Variants in NUP35 observed in about 807,000 individuals in gnomAD.
NUP35 encodes the protein nucleoporin 35.
NUP35 carries 25 observed loss-of-function variants against 41.5 expected under a neutral mutation model. That is an observed-to-expected ratio of 0.60 (90% confidence interval 0.44 to 0.84). NUP35 has a LOEUF of 0.84. Ranked by LOEUF, NUP35 falls within the 40% of genes least tolerant of loss-of-function variation. The pLI, the probability that NUP35 is intolerant of heterozygous loss-of-function variation, is 0.00. For synonymous variants in NUP35, 149 were observed against 130.7 expected (o/e 1.14, Z -0.96); for missense variants, 396 against 396.6 (o/e 1.00, Z 0.01).
rs1423161343 is a variant in NUP35 at position 183,128,389 on chromosome 2, C to T, written c.143C>T (p.Thr48Ile). The change falls in exon 2 of 9, where the codon ACT (threonine) becomes ATT (isoleucine). Residue 48 changes from threonine (T) to isoleucine (I), a missense_variant. Coordinates refer to ENST00000295119, the MANE Select transcript of NUP35 (RefSeq NM_138285.5). ...FLMGDLPAPV[T>I]PQPRSISGPS... ...ATGGGGGATTTGCCAGCTCCGGTGA[C>T]TCCACAACCTCGATCAATTAGTGGC... 1.2e-6 allele frequency: 2 copies of T among 1,614,030 alleles called. No homozygotes were observed. Among genetic ancestry groups the T allele is most frequent in the Non-Finnish European group, 1.7e-6 (2 of 1,179,960 alleles).
intron 7 of NUP35, among the ~76,000 whole-genome samples, 175 bp from the exon 8 acceptor site, chr2:183,159,313 T>C (rs1412044757): frequency 6.6e-6 from 1 of 152,198 alleles, no homozygotes; most frequent in African/African-American, 2.4e-5. Context: ...GCATTCAATC[T>C]CAAATGCTAC....
At chr2:183,143,151 A>G (rs796580342) in intron 4 of NUP35, among the ~76,000 whole-genome samples, 88 of 114,378 alleles carry the variant, frequency 7.7e-4, no homozygotes, top group African/African-American at 3.5e-3. Context: ...GCGAGACTCC[A>G]TCTCAAAAAA....
At chr2:183,160,885 A>G in intron 8 of NUP35, 169 bp from the exon 9 acceptor site, 2 of 486,454 alleles carry the variant, frequency 4.1e-6, no homozygotes, top group South Asian at 2.4e-5. Context: ...GATCGAGACC[A>G]TCCTGGCTAA....
At chr2:183,159,699 G>T in intron 8 of NUP35, 47 bp downstream of exon 8, 1 of 1,413,984 alleles carries the variant, frequency 7.1e-7, no homozygotes. Context: ...ATGGCTGAGT[G>T]CATAGCATGC....
At chr2:183,132,579 A>G (rs532648435) in intron 3 of NUP35, among the ~76,000 whole-genome samples, 1 of 152,204 alleles carries the variant, frequency 6.6e-6, no homozygotes, top group East Asian at 1.9e-4. Context: ...ATAAAAACTA[A>G]AAAATTAAAA....
intron 8 of NUP35, chr2:183,159,928 G>A (rs1228535562): frequency 3.9e-5 from 13 of 335,100 alleles, no homozygotes; most frequent in Admixed American, 9.7e-5. Context: ...GCATACATAC[G>A]AAATGTATCC....
At chr2:183,152,807 C>T (rs1040756425) in intron 5 of NUP35, among the ~76,000 whole-genome samples, 1 of 152,078 alleles carries the variant, frequency 6.6e-6, no homozygotes, top group Non-Finnish European at 1.5e-5. Flanking sequence ...AGCAAAGCTC[C>T]AGCAAAAACT....
At chr2:183,153,818 C>G (rs1022470199) in intron 5 of NUP35, among the ~76,000 whole-genome samples, 5 of 152,152 alleles carry the variant, frequency 3.3e-5, no homozygotes, top group African/African-American at 1.2e-4. Flanking sequence ...TAGTAGGGAC[C>G]CTGTGTGGGA....
At position 183,152,490 on chromosome 2, in the gene NUP35, C is replaced by T. The variant is rs547425526; in HGVS notation, c.539+841C>T. 7.9e-5 allele frequency among the ~76,000 whole-genome samples: 12 copies of T among 152,242 alleles called. No homozygotes were observed. The South Asian group carries it at 2.1e-3, about 26-fold the overall frequency. On this transcript the variant is annotated intron_variant, in intron 5 of 8. Transcript: ENST00000295119. ...CCATTGCATCATTCTTATGCTTTTGCATCATCATAGCTTAGCTCCCACTTA... is the reference window on the plus strand; with the variant it reads ...CCATTGCATCATTCTTATGCTTTTGTATCATCATAGCTTAGCTCCCACTTA...
chr2:183,123,923 T>A, upstream of NUP35: 1 of 532,788 alleles, frequency 1.9e-6, no homozygotes, highest in Non-Finnish European at 2.4e-6. Flanking sequence ...GGCGTATGAG[T>A]TACGCTTTAA....
chr2:183,151,597 G>T lies in NUP35; in HGVS notation c.487G>T (p.Asp163Tyr), dbSNP rs756376918. ...AQLDPFYTQG[D>Y]SLTSEDHLDD... Reference sequence around the variant, plus strand: ...GTTGGATCCTTTTTATACTCAAGGAGATTCTTTGACTTCAGAAGATCACCT... The same window carrying T: ...GTTGGATCCTTTTTATACTCAAGGATATTCTTTGACTTCAGAAGATCACCT... The change falls in exon 5 of 9, where the codon GAT becomes TAT. Residue 163 changes from aspartate (D) to tyrosine (Y), a missense_variant. By Grantham distance (160) the Asp-to-Tyr change is radical. Coordinates refer to ENST00000295119, the MANE Select transcript of NUP35 (RefSeq NM_138285.5). 4 of 1,613,712 alleles carry T rather than the reference G, an allele frequency of 2.5e-6. No homozygotes were observed. The East Asian group carries it at 8.9e-5, about 36-fold the overall frequency.
chr2:183,132,913 T>G lies in NUP35; in HGVS notation c.340-653T>G, dbSNP rs1231045363. On this transcript the variant is annotated intron_variant, in intron 3 of 8. Coordinates refer to ENST00000295119, the MANE Select transcript of NUP35 (RefSeq NM_138285.5). ...AGTTCTGGTTGCTAAATGAAGCTATTTGAGATTTCCTTAGTTTAATTAGAA... is the reference window on the plus strand; with the variant it reads ...AGTTCTGGTTGCTAAATGAAGCTATGTGAGATTTCCTTAGTTTAATTAGAA... Among the ~76,000 whole-genome samples, 4 of 152,236 alleles carry G rather than the reference T, an allele frequency of 2.6e-5. No individual in the cohort carries two copies. In the East Asian group the frequency reaches 5.8e-4, roughly 22 times the overall value.
chr2:183,124,388 T>G, upstream of NUP35: 2 of 1,613,584 alleles, frequency 1.2e-6, no homozygotes, highest in South Asian at 1.1e-5. Flanking sequence ...CCGTTACCCG[T>G]GGGGAGCGTT....
intron 4 of NUP35, among the ~76,000 whole-genome samples, chr2:183,140,014 G>T (rs1043149340): frequency 2.0e-5 from 3 of 152,142 alleles, no homozygotes; most frequent in African/African-American, 7.2e-5. Context: ...ACTTGGCAAG[G>T]CATGATTTTT....
At chr2:183,142,799 T>G (rs1685143577) in intron 4 of NUP35, among the ~76,000 whole-genome samples, 1 of 151,914 alleles carries the variant, frequency 6.6e-6, no homozygotes, top group Non-Finnish European at 1.5e-5. Flanking sequence ...TTTTATTTTC[T>G]CTGTCATTTT....
At chr2:183,156,075 GT>G (rs1179311429) in intron 5 of NUP35, among the ~76,000 whole-genome samples, 5 of 152,122 alleles carry the variant, frequency 3.3e-5, no homozygotes, top group Non-Finnish European at 5.9e-5. Flanking sequence ...AATATTCATT[GT>G]TTTGGGTGAT....
chr2:183,160,948 A>G (rs1433003355), intron 8 of NUP35, 106 bp from the exon 9 acceptor site: 4 of 755,694 alleles, frequency 5.3e-6, no homozygotes, highest in African/African-American at 1.8e-5. Flanking sequence ...ATTTAGTGCT[A>G]TAAATGCATT....
chr2:183,125,413 G>A (rs1312361955), intron 1 of NUP35, among the ~76,000 whole-genome samples: 1 of 149,592 alleles, frequency 6.7e-6, no homozygotes, highest in Admixed American at 6.6e-5. Flanking sequence ...GAGAGCAAAT[G>A]TAATATATAT....
intron 5 of NUP35, among the ~76,000 whole-genome samples, 178 bp from the exon 6 acceptor site, chr2:183,157,266 T>C (rs1280971047): frequency 6.6e-6 from 1 of 152,190 alleles, no homozygotes; most frequent in African/African-American, 2.4e-5. Context: ...GTATTTGCTT[T>C]TGAGTGACTA....
Sources: gnomAD v4.1 joint callset for allele counts (sites outside exome capture counted in the v4.1 genomes callset) on GRCh38, gnomAD v4.1.1 for gene constraint, MANE v1.5 for transcripts, NCBI Gene and HGNC (gene_info 2026-07-23, HGNC 2026-07-21) for gene names.